Variants in TMEM131L observed in about 807,000 individuals in gnomAD.
TMEM131L encodes transmembrane protein 131-like.
In TMEM131L, 54 loss-of-function variants were observed where a neutral mutation model predicts 192.2. That is an observed-to-expected ratio of 0.28 (90% CI 0.23 to 0.35). The LOEUF is 0.35. Among genes scored for constraint, TMEM131L ranks in the 10% least tolerant of loss-of-function variants. The pLI is 1.00. For missense variants in TMEM131L, 1,888 were observed against 1,972.9 expected, an observed-to-expected ratio of 0.96 and a Z score of 0.82; for synonymous variants, 701 against 704.9, an observed-to-expected ratio of 0.99 and a Z score of 0.09.
At chr4:153,572,814 C>T (rs1360978076) in intron 7 of TMEM131L, among the ~76,000 whole-genome samples, 1 of 152,194 alleles carries the variant, frequency 6.6e-6, no homozygotes, top group Admixed American at 6.5e-5. Flanking sequence ...ATCTCCAGGA[C>T]CCTTTCATCA....
intron 3 of TMEM131L, among the ~76,000 whole-genome samples, chr4:153,506,149 T>A (rs1342955289): frequency 3.3e-5 from 5 of 152,208 alleles, no homozygotes; most frequent in African/African-American, 1.2e-4. Flanking sequence ...GACCTGAATC[T>A]ACATATTGGA....
In TMEM131L at chr4:153,584,846, T is replaced by C. The variant is rs1730593963; in HGVS notation, c.1072T>C (p.Cys358Arg). 1 of 1,613,486 alleles carries C rather than the reference T, an allele frequency of 6.2e-7. No individual in the cohort carries two copies. Among genetic ancestry groups the C allele is most frequent in the Non-Finnish European group, 8.5e-7 (1 of 1,179,354 alleles). The change falls in exon 12 of 35, where the codon TGT (cysteine) becomes CGT (arginine). Residue 358 changes from cysteine to arginine, a missense_variant. Physicochemically the swap from Cys to Arg is radical, Grantham distance 180 (BLOSUM62 -3). Transcript: ENST00000409959. ...TTTATACCACAAAGCAGCTACATCA[T>C]GTGACAGTGGAATTATAGAAGATGT... ...ASFTCKAATS[C>R]DSGIIEDVKK...
In TMEM131L at chr4:153,624,816, A is replaced by C. The variant is rs898781462; in HGVS notation, c.4046-1331A>C. ...ACACAAGCCATAGAGAATTTCCTTC[A>C]GCAGCCTGCAAGCTGTACTATTTCT... On this transcript the variant is annotated intron_variant, in intron 29 of 34. Coordinates refer to ENST00000409959, the MANE Select transcript of TMEM131L (RefSeq NM_001131007.2). Among the ~76,000 whole-genome samples, 3 of 152,316 alleles carry C rather than the reference A, an allele frequency of 2.0e-5. No homozygotes were observed. In the South Asian group the frequency reaches 6.2e-4, roughly 32 times the overall value.
At chr4:153,519,741 G>T (rs1383347186) in intron 3 of TMEM131L, among the ~76,000 whole-genome samples, 2 of 152,228 alleles carry the variant, frequency 1.3e-5, no homozygotes, top group Non-Finnish European at 1.5e-5. Context: ...AAGCTAGGCT[G>T]TAAGACAGAA....
chr4:153,513,015 C>T (rs1028104585), intron 3 of TMEM131L, among the ~76,000 whole-genome samples: 4 of 151,920 alleles, frequency 2.6e-5, no homozygotes, highest in African/African-American at 7.3e-5. Flanking sequence ...GGTACTATAC[C>T]CTTCATCTTT....
intron 24 of TMEM131L, 63 bp downstream of exon 24, chr4:153,603,515 T>G: frequency 2.0e-6 from 3 of 1,499,822 alleles, no homozygotes; most frequent in Non-Finnish European, 2.7e-6. Flanking sequence ...ATTACTCATT[T>G]CTGATTTAAT....
In TMEM131L at chr4:153,602,334, A is replaced by G; in HGVS notation, c.2449A>G (p.Ile817Val). The change falls in exon 22 of 35, where the codon ATT becomes GTT. Residue 817 changes from isoleucine to valine, a missense_variant. Transcript: ENST00000409959. The part of the protein sequence containing the change: ...LDPNTSRDIS[I>V]VFTPDFTSSW... ...CCCAAACACATCCCGCGATATCAGC[A>G]TTGTGTAAGCATTGGGCTTTAACTT... is the stretch of plus-strand genomic sequence containing the variant. 1.2e-6 allele frequency: 2 copies of G among 1,612,770 alleles called. No individual in the cohort carries two copies. The highest frequency in any genetic ancestry group is 1.7e-6 in the Non-Finnish European group (2 of 1,179,744).
intron 3 of TMEM131L, among the ~76,000 whole-genome samples, chr4:153,516,915 A>T (rs963332657): frequency 6.6e-6 from 1 of 152,012 alleles, no homozygotes; most frequent in South Asian, 2.1e-4. Context: ...CAACCTCCGC[A>T]TCCCGGGTTC....
rs1309351600 is a variant in TMEM131L at position 153,595,065 on chromosome 4, T to C, written c.1996-1193T>C. 6.6e-5 allele frequency among the ~76,000 whole-genome samples: 10 copies of C among 152,182 alleles called. 1 individual carries two copies. Among genetic ancestry groups the C allele is most frequent in the Admixed American group, 1.3e-4 (2 of 15,276 alleles). ...CTATGACTGTTTTTCCCAAGAAATA[T>C]TATATATTTTGGGATAAGAGAAATT... On this transcript the variant is annotated intron_variant, in intron 19 of 34. Transcript: ENST00000409959.
chr4:153,550,022 C>G, intron 3 of TMEM131L, 51 bp from the exon 4 acceptor site: 1 of 872,480 alleles, frequency 1.1e-6, no homozygotes, highest in Non-Finnish European at 1.8e-6. Flanking sequence ...TATATCTCAG[C>G]ATTTAAATGT....
intron 7 of TMEM131L, among the ~76,000 whole-genome samples, chr4:153,575,417 T>G (rs1729867757): frequency 6.6e-6 from 1 of 152,314 alleles, no homozygotes; most frequent in South Asian, 2.1e-4. Flanking sequence ...CTAATATATA[T>G]CCCTGTGTTG....
At chr4:153,488,176 C>G (rs763720753) in intron 3 of TMEM131L, among the ~76,000 whole-genome samples, 4 of 150,300 alleles carry the variant, frequency 2.7e-5, no homozygotes, top group Admixed American at 6.6e-5. Context: ...AGAGAGAGAC[C>G]CTGTGGGCCT....
intron 29 of TMEM131L, 44 bp from the exon 30 acceptor site, chr4:153,626,103 G>A: frequency 8.2e-7 from 1 of 1,225,182 alleles, no homozygotes; most frequent in Non-Finnish European, 1.2e-6. Flanking sequence ...TACAGTTGAA[G>A]TGTACTTTTT....
intron 3 of TMEM131L, among the ~76,000 whole-genome samples, chr4:153,485,530 A>C (rs1470026880): frequency 6.6e-6 from 1 of 152,240 alleles, no homozygotes; most frequent in African/African-American, 2.4e-5. Context: ...CAAGTGAACC[A>C]TGTAAAATGT....
intron 7 of TMEM131L, among the ~76,000 whole-genome samples, chr4:153,577,186 G>A (rs908562601): frequency 2.0e-5 from 3 of 152,130 alleles, no homozygotes; most frequent in Non-Finnish European, 2.9e-5. Flanking sequence ...GAGCAGAAAC[G>A]AGACCAGTGA....
intron 7 of TMEM131L, among the ~76,000 whole-genome samples, chr4:153,571,734 A>G (rs897374623): frequency 4.0e-5 from 6 of 151,854 alleles, no homozygotes; most frequent in Non-Finnish European, 7.4e-5. Context: ...TAAGTTTTAT[A>G]TTTTTTTGTG....
At chr4:153,622,823 C>A (rs1398207752) in intron 28 of TMEM131L, 75 bp from the exon 29 acceptor site, 1 of 1,471,988 alleles carries the variant, frequency 6.8e-7, no homozygotes, top group Non-Finnish European at 9.5e-7. Context: ...CCTCCTGTCA[C>A]CTCTCTCTTT....
At chr4:153,635,600 C>A in intron 34 of TMEM131L, 29 bp downstream of exon 34, 1 of 1,612,458 alleles carries the variant, frequency 6.2e-7, no homozygotes, top group Non-Finnish European at 8.5e-7. Flanking sequence ...GTGCCGTGAA[C>A]CCCTGGGCAG....
Position 153,566,467 on chromosome 4 carries a change from GAC to G in TMEM131L, c.660+8103_660+8104del, listed in dbSNP as rs1336410631. Among the ~76,000 whole-genome samples the G allele has an allele frequency of 2.6e-5, 4 of 152,112 alleles. No individual in the cohort carries two copies. The East Asian group carries it at 7.7e-4, about 29-fold the overall frequency. On this transcript the variant is annotated intron_variant, in intron 7 of 34. Coordinates refer to ENST00000409959, the MANE Select transcript of TMEM131L (RefSeq NM_001131007.2). ...GGTTTTAAAGTTAGAGGAAAACCCT[GAC>G]ACAGAGTTCTGCCAAATAAAGGTAG...
Sources: allele counts gnomAD v4.1 joint callset (sites outside exome capture counted in the v4.1 genomes callset), GRCh38; gene constraint gnomAD v4.1.1; transcripts MANE v1.5; gene names NCBI Gene and HGNC (gene_info 2026-07-23, HGNC 2026-07-21).